The following PDE5A variants were observed in gnomAD, a reference collection of about 807,000 sequenced individuals.
PDE5A encodes the protein phosphodiesterase 5A.
In PDE5A, 67 loss-of-function variants were observed where a neutral mutation model predicts 110.2. The observed-to-expected ratio is 0.61, with a 90% CI of 0.50 to 0.75. The LOEUF (loss-of-function observed/expected upper bound fraction) is 0.75. PDE5A is among the 30% of genes least tolerant of loss of function. The pLI, the probability that PDE5A is intolerant of heterozygous loss-of-function variation, is 0.00. For synonymous variants in PDE5A, 328 were observed against 351.2 expected, an observed-to-expected ratio of 0.93 and a Z score of 0.74; for missense variants, 862 against 1,045.1, an observed-to-expected ratio of 0.82 and a Z score of 2.42.
At chr4:119,593,360 T>C (rs1578808405) in intron 3 of PDE5A, among the ~76,000 whole-genome samples, 2 of 152,198 alleles carry the variant, frequency 1.3e-5, no homozygotes, top group Admixed American at 1.3e-4. Context: ...CATAAACAAA[T>C]TGTAGTATAT....
At chr4:119,613,262 C>G (rs1220818857) in intron 1 of PDE5A, among the ~76,000 whole-genome samples, 1 of 152,124 alleles carries the variant, frequency 6.6e-6, no homozygotes, top group Non-Finnish European at 1.5e-5. Context: ...ATTAATAGCT[C>G]AAATATAAAC....
chr4:119,564,590 G>T (rs1217052894), intron 5 of PDE5A, among the ~76,000 whole-genome samples: 1 of 152,012 alleles, frequency 6.6e-6, no homozygotes, highest in East Asian at 1.9e-4. Context: ...AACTCAACAG[G>T]ATGCCTAATA....
intron 7 of PDE5A, among the ~76,000 whole-genome samples, chr4:119,559,146 T>G (rs1182112207): frequency 1.3e-5 from 2 of 152,148 alleles, no homozygotes; most frequent in African/African-American, 4.8e-5. Flanking sequence ...TCCTTTCCAT[T>G]TTTCCTACAG....
At chr4:119,628,379 C>T in intron 1 of PDE5A, 141 bp downstream of exon 1, 1 of 584,858 alleles carries the variant, frequency 1.7e-6, no homozygotes. Flanking sequence ...ACTGTGCTCG[C>T]TTAGAGTTGA....
At chr4:119,602,231 C>T (rs1297907272) in intron 2 of PDE5A, among the ~76,000 whole-genome samples, 1 of 152,000 alleles carries the variant, frequency 6.6e-6, no homozygotes, top group Non-Finnish European at 1.5e-5. Context: ...TTAGTAAAAA[C>T]ATATCTTTAG....
At chr4:119,599,549 C>A (rs11737395) in intron 2 of PDE5A, among the ~76,000 whole-genome samples, 1 of 150,318 alleles carries the variant, frequency 6.7e-6, no homozygotes, top group Non-Finnish European at 1.5e-5. Flanking sequence ...TGTAAAACAC[C>A]AAGTTCATTA....
At chr4:119,610,720 T>C (rs556024523) in intron 1 of PDE5A, among the ~76,000 whole-genome samples, 1 of 152,258 alleles carries the variant, frequency 6.6e-6, no homozygotes, top group Admixed American at 6.5e-5. Context: ...TTCCTTCAAC[T>C]CTCACATTCA....
chr4:119,501,203 C>A lies in PDE5A; in HGVS notation c.2457G>T (p.Gly819=). Residue 819 remains glycine (G), a synonymous_variant, in exon 20 of 21, where the codon GGG becomes GGT. Transcript: ENST00000354960. The part of the protein sequence containing the change: ...KKNKIPSMQV[G]FIDAICLQLY... ...GTTGCAAGCAGATGGCATCTATGAA[C>A]CCAACTTGCATACTTGGGATTTTGT... is the stretch of plus-strand genomic sequence containing the variant. 2.5e-6 allele frequency: 4 copies of A among 1,612,346 alleles called. No homozygotes were observed. The highest frequency in any genetic ancestry group is 1.7e-4 in the Middle Eastern group (1 of 6,054).
chr4:119,607,722 G>T (rs1238894655), intron 1 of PDE5A, among the ~76,000 whole-genome samples: 1 of 151,896 alleles, frequency 6.6e-6, no homozygotes, highest in Non-Finnish European at 1.5e-5. Flanking sequence ...TTCAGCCTGG[G>T]TGACAAAGTG....
chr4:119,560,224 C>A, intron 7 of PDE5A, 72 bp downstream of exon 7: 1 of 819,930 alleles, frequency 1.2e-6, no homozygotes, highest in Non-Finnish European at 1.9e-6. Context: ...TTAAATCAAA[C>A]TGGTCATGAA....
intron 1 of PDE5A, 47 bp downstream of exon 1, chr4:119,628,473 C>G: frequency 6.8e-7 from 1 of 1,468,244 alleles, no homozygotes; most frequent in Non-Finnish European, 9.3e-7. Flanking sequence ...CACAATTCAA[C>G]AGGGGAGAGA....
chr4:119,539,176 C>T, intron 10 of PDE5A, 157 bp from the exon 11 acceptor site: 1 of 642,854 alleles, frequency 1.6e-6, no homozygotes, highest in Non-Finnish European at 2.8e-6. Context: ...CAGTGAAAAA[C>T]CCAGATTTAG....
intron 14 of PDE5A, among the ~76,000 whole-genome samples, chr4:119,516,853 T>G (rs1230377468): frequency 1.3e-5 from 2 of 152,166 alleles, no homozygotes; most frequent in African/African-American, 2.4e-5. Context: ...ACTCCTGACC[T>G]CGTGATCCAC....
intron 19 of PDE5A, 62 bp from the exon 20 acceptor site, chr4:119,501,315 C>A (rs759958020): frequency 1.4e-5 from 15 of 1,038,760 alleles, no homozygotes; most frequent in Non-Finnish European, 2.1e-5. Context: ...TTAGTTATTA[C>A]TTTATTATTT....
At chr4:119,567,470 A>G (rs1349205405) in intron 3 of PDE5A, among the ~76,000 whole-genome samples, 2 of 152,204 alleles carry the variant, frequency 1.3e-5, no homozygotes, top group Admixed American at 1.3e-4. Flanking sequence ...TATAAACAAC[A>G]CATTTTGATT....
intron 2 of PDE5A, among the ~76,000 whole-genome samples, chr4:119,602,436 T>C (rs1729378482): frequency 1.3e-5 from 2 of 152,066 alleles, no homozygotes; most frequent in South Asian, 4.1e-4. Context: ...TAACAGAAAA[T>C]TTTAAAAAGG....
At chr4:119,541,384 T>C (rs1047129608) in intron 10 of PDE5A, among the ~76,000 whole-genome samples, 14 of 151,736 alleles carry the variant, frequency 9.2e-5, no homozygotes, top group Admixed American at 2.0e-4. Flanking sequence ...TTTGAACACA[T>C]ATGTACATGT....
At chr4:119,587,144 T>G (rs903149540) in intron 3 of PDE5A, among the ~76,000 whole-genome samples, 8 of 152,110 alleles carry the variant, frequency 5.3e-5, no homozygotes, top group Non-Finnish European at 1.0e-4. Context: ...ACAGAAACTC[T>G]GCGCAGCACT....
In PDE5A at chr4:119,523,493, A is replaced by T. The variant is rs139466014; in HGVS notation, c.1779+2056T>A. On this transcript the variant is annotated intron_variant, in intron 12 of 20. Transcript: ENST00000354960. ...CAATAATATCTGAAAGAAACAAAACAGAAGAGGCACTAAGGAAGGAAGGCC... is the reference window on the plus strand; with the variant it reads ...CAATAATATCTGAAAGAAACAAAACTGAAGAGGCACTAAGGAAGGAAGGCC... Among the ~76,000 whole-genome samples the T allele has an allele frequency of 4.7e-3, 714 of 152,188 alleles. 5 individuals are homozygous for T. Among genetic ancestry groups the T allele is most frequent in the Middle Eastern group, 0.02 (6 of 294 alleles).
Sources: allele counts gnomAD v4.1 joint callset (sites outside exome capture counted in the v4.1 genomes callset), GRCh38; gene constraint gnomAD v4.1.1; transcripts MANE v1.5; gene names NCBI Gene and HGNC (gene_info 2026-07-23, HGNC 2026-07-21).